Variants in FAM13B observed in about 807,000 individuals in gnomAD.
FAM13B encodes the protein family with sequence similarity 13 member B.
A neutral mutation model predicts 117.3 loss-of-function variants in FAM13B; 60 were observed. The ratio of observed to expected loss-of-function variants is 0.51; its 90% CI spans 0.42 to 0.63. The LOEUF (loss-of-function observed/expected upper bound fraction) is 0.63, where lower values mean the gene tolerates loss of function less well. FAM13B is among the 30% of genes least tolerant of loss of function. The pLI is 0.00. For missense variants in FAM13B, 972 were observed against 1,091.9 expected, an observed-to-expected ratio of 0.89 and a Z score of 1.55; for synonymous variants, 332 against 356.1, an observed-to-expected ratio of 0.93 and a Z score of 0.76.
chr5:137,951,209 CAA>C (rs1158310740), intron 17 of FAM13B, among the ~76,000 whole-genome samples: 52 of 63,244 alleles, frequency 8.2e-4, no homozygotes, highest in African/African-American at 2.9e-3. Flanking sequence ...CTGTCTCAAA[CAA>C]AAAAAAAAAA....
At chr5:137,988,043 A>G (rs1020953546) in intron 8 of FAM13B, among the ~76,000 whole-genome samples, 2 of 152,212 alleles carry the variant, frequency 1.3e-5, no homozygotes, top group African/African-American at 4.8e-5. Flanking sequence ...AACATTTTTC[A>G]ATTATTTCAG....
chr5:137,983,713 T>C (rs1435042805), intron 10 of FAM13B, among the ~76,000 whole-genome samples: 1 of 152,180 alleles, frequency 6.6e-6, no homozygotes, highest in Non-Finnish European at 1.5e-5. Context: ...CTTTGAAATG[T>C]CTTCTAGTTT....
intron 13 of FAM13B, among the ~76,000 whole-genome samples, chr5:137,957,211 T>C (rs905993045): frequency 6.6e-6 from 1 of 152,178 alleles, no homozygotes; most frequent in African/African-American, 2.4e-5. Flanking sequence ...TAAAGTAAGT[T>C]GGTCTCTTAA....
At position 138,010,957 on chromosome 5, in the gene FAM13B, TAAAAAAAAAA is replaced by T. The variant is rs35163730; in HGVS notation, c.690+41_690+50del. The T allele has an allele frequency of 9.3e-6, 10 of 1,079,182 alleles. No homozygotes were observed. In the African/African-American group the frequency reaches 1.2e-4, roughly 13 times the overall value. 66.9% of individuals were successfully genotyped at this position (1,079,182 alleles called of 1,614,324 possible). A position where few individuals can be genotyped will look rare whatever the true frequency, so the allele number is the denominator to read the frequency against. ...CAAGTCTTTAAGAGCATATTATTCT[TAAAAAAAAAA>T]AAAAAAAAAAAAATTATCCCTCCAA... On this transcript the variant is annotated intron_variant, in intron 6 of 23. Coordinates refer to ENST00000689681, the MANE Select transcript of FAM13B (RefSeq NM_001385994.1).
chr5:138,034,995 C>CT (rs557807234), upstream of FAM13B, among the ~76,000 whole-genome samples: 175 of 34,356 alleles, frequency 5.1e-3, 18 homozygotes, highest in Middle Eastern at 0.023. Flanking sequence ...ATTCCCTTGC[C>CT]TTTTTTTTTT....
At position 137,954,536 on chromosome 5, in the gene FAM13B, G is replaced by GTA. The variant is rs751982324; in HGVS notation, c.1508-161_1508-160insTA. ...CACACACACACACATACATGTGTGT[G>GTA]TGTATATATATATATATATAATCTT... is the stretch of plus-strand genomic sequence containing the variant. On this transcript the variant is annotated intron_variant, in intron 14 of 23. Coordinates refer to ENST00000689681, the MANE Select transcript of FAM13B (RefSeq NM_001385994.1). 3.4e-3 allele frequency: 1,199 copies of GTA among 354,996 alleles called. 9 individuals carry two copies. The highest frequency in any genetic ancestry group is 8.0e-3 in the Middle Eastern group (10 of 1,254). 22.0% of individuals were successfully genotyped at this position (354,996 alleles called of 1,614,324 possible). A position where few individuals can be genotyped will look rare whatever the true frequency, so the allele number is the denominator to read the frequency against.
chr5:137,982,193 T>G (rs1775958789), intron 10 of FAM13B, among the ~76,000 whole-genome samples: 1 of 152,146 alleles, frequency 6.6e-6, no homozygotes, highest in African/African-American at 2.4e-5. Context: ...GAGGCAATAT[T>G]AATCCAGGTG....
intron 9 of FAM13B, 31 bp from the exon 10 acceptor site, chr5:137,985,420 C>T (rs528309630): frequency 1.2e-6 from 2 of 1,606,700 alleles, no homozygotes; most frequent in South Asian, 2.2e-5. Flanking sequence ...TCAGATCAGG[C>T]CAAATGTTGA....
Position 138,038,668 on chromosome 5 carries a change from T to C in FAM13B, c.-203+13210A>G, listed in dbSNP as rs1209661145. ...TGCCAGTGTGCAAGAATGTGTGTTT[T>C]TCATAAACAGAAAAATATCACTAGC... On this transcript the variant is annotated intron_variant, in intron 1 of 3. Coordinates refer to the FAM13B transcript ENST00000502471. The C allele has an allele frequency of 4.6e-5, 7 of 152,344 alleles. No individual in the cohort carries two copies. The East Asian group carries it at 1.3e-3, about 29-fold the overall frequency. The allele number at this position is 152,344 out of a possible 1,614,324, so 9.4% of individuals were successfully genotyped here.
chr5:138,033,094 G>A, upstream of FAM13B: 4 of 983,218 alleles, frequency 4.1e-6, no homozygotes, highest in Non-Finnish European at 4.8e-6. Context: ...GGCGGAGGCC[G>A]GGCCGGACGT....
intron 10 of FAM13B, among the ~76,000 whole-genome samples, chr5:137,963,860 C>A (rs1218103878): frequency 6.6e-6 from 1 of 152,132 alleles, no homozygotes; most frequent in African/African-American, 2.4e-5. Context: ...CTAACTAATG[C>A]TTTGATGATG....
In FAM13B at chr5:137,953,720, C is replaced by A. The variant is rs569914237; in HGVS notation, c.1719-255G>T. Among the ~76,000 whole-genome samples the A allele has an allele frequency of 3.9e-5, 6 of 152,234 alleles. No homozygotes were observed. In the East Asian group the frequency reaches 1.2e-3, roughly 29 times the overall value. ...AAAGGCAGCAAAGAAACAAAGATAC[C>A]TAGCAGCTCAGAGCTCTTGTAACTG... is the stretch of plus-strand genomic sequence containing the variant. On this transcript the variant is annotated intron_variant, in intron 15 of 23. Transcript: ENST00000689681.
Position 138,006,867 on chromosome 5 carries a change from CT to C in FAM13B, c.848+122del, listed in dbSNP as rs1782688382. On this transcript the variant is annotated intron_variant, in intron 7 of 23. Coordinates refer to ENST00000689681, the MANE Select transcript of FAM13B (RefSeq NM_001385994.1). ...GCATCTTTAAATTTTACTTCTTGCT[CT>C]TTTTCACACACAAATGCCAAACTTT... 3 of 979,404 alleles carry C rather than the reference CT, an allele frequency of 3.1e-6. No homozygotes were observed. In the Admixed American group the frequency reaches 8.8e-5, roughly 29 times the overall value. 60.7% of individuals were successfully genotyped at this position (979,404 alleles called of 1,614,324 possible).
intron 4 of FAM13B, among the ~76,000 whole-genome samples, chr5:138,013,409 G>A (rs914914525): frequency 1.6e-4 from 24 of 151,170 alleles, no homozygotes; most frequent in African/African-American, 5.4e-4. Flanking sequence ...ACTGAGGCAG[G>A]AGAATGGCGT....
At chr5:138,035,325 A>G (rs1001990529), upstream of FAM13B, among the ~76,000 whole-genome samples, 3 of 151,790 alleles carry the variant, frequency 2.0e-5, no homozygotes, top group Non-Finnish European at 1.5e-5. Flanking sequence ...TTGCGTTTTT[A>G]TACCCTACCC....
intron 10 of FAM13B, among the ~76,000 whole-genome samples, chr5:137,963,921 T>C (rs1159144440): frequency 6.6e-6 from 1 of 152,168 alleles, no homozygotes; most frequent in Non-Finnish European, 1.5e-5. Context: ...CCACCATCCA[T>C]GGAAAAACTG....
At chr5:137,968,397 T>C (rs536609106) in intron 10 of FAM13B, among the ~76,000 whole-genome samples, 1 of 145,930 alleles carries the variant, frequency 6.9e-6, no homozygotes, top group East Asian at 2.0e-4. Flanking sequence ...ACCGAGATCA[T>C]GCCACTGCAC....
intron 17 of FAM13B, among the ~76,000 whole-genome samples, chr5:137,949,600 CA>C (rs1261921029): frequency 6.6e-6 from 1 of 152,062 alleles, no homozygotes; most frequent in African/African-American, 2.4e-5. Context: ...GTCCACATGG[CA>C]AAACCCCGTC....
At position 138,011,124 on chromosome 5, in the gene FAM13B, T is replaced by C; in HGVS notation, c.574A>G (p.Lys192Glu). 6.2e-7 allele frequency: 1 copy of C among 1,607,500 alleles called. No individual in the cohort carries two copies. The highest frequency in any genetic ancestry group is 8.5e-7 in the Non-Finnish European group (1 of 1,178,694). ...FHIYTDVEDM[K>E]EQEIVSRIMA... ...ATCCTGCTCACTATTTCTTGCTCTT[T>C]CATGTCTTCCACATCTGTGTAAATG... The change falls in exon 6 of 24, where the codon AAA becomes GAA. Residue 192 changes from lysine (K) to glutamate (E), a missense_variant. Transcript: ENST00000689681.
Sources: gnomAD v4.1 joint callset for allele counts (sites outside exome capture counted in the v4.1 genomes callset) on GRCh38, gnomAD v4.1.1 for gene constraint, MANE v1.5 for transcripts, NCBI Gene and HGNC (gene_info 2026-07-23, HGNC 2026-07-21) for gene names.